The following MDN1 variants were observed in gnomAD, a reference collection of about 807,000 sequenced individuals.
MDN1 encodes midasin AAA ATPase 1.
In MDN1, 266 loss-of-function variants were observed where a neutral mutation model predicts 669.2. The observed-to-expected ratio is 0.40, with a 90% CI of 0.36 to 0.44. MDN1 has a LOEUF of 0.44. Ranked by LOEUF, MDN1 falls within the 20% of genes least tolerant of loss-of-function variation. MDN1 has a pLI of 1.00. For synonymous variants in MDN1, 2,385 were observed against 2,457.1 expected (o/e 0.97, Z 0.87); for missense variants, 5,940 against 6,754.0 (o/e 0.88, Z 4.22).
At chr6:89,668,888 A>G (rs1052082967) in intron 83 of MDN1, among the ~76,000 whole-genome samples, 1 of 152,226 alleles carries the variant, frequency 6.6e-6, no homozygotes, top group Non-Finnish European at 1.5e-5. Context: ...CAATTTGGAC[A>G]CTTAGAAAAA....
chr6:89,720,106 AAAAAT>A (rs1291353497), intron 40 of MDN1, among the ~76,000 whole-genome samples: 2 of 152,092 alleles, frequency 1.3e-5, no homozygotes, highest in Non-Finnish European at 2.9e-5. Flanking sequence ...AATGAAGTTA[AAAAAT>A]AAAAATAATA....
intron 1 of MDN1, 111 bp downstream of exon 1, chr6:89,819,395 G>C (rs527248551): frequency 1.3e-5 from 13 of 1,030,738 alleles, no homozygotes; most frequent in Non-Finnish European, 1.5e-5. Flanking sequence ...CTTGACCTGA[G>C]GCTGCACCAC....
In MDN1 at chr6:89,686,947, G is replaced by A; in HGVS notation, c.11527C>T (p.Gln3843Ter). 6.2e-7 allele frequency: 1 copy of A among 1,613,916 alleles called. No homozygotes were observed. Among genetic ancestry groups the A allele is most frequent in the Non-Finnish European group, 8.5e-7 (1 of 1,179,982 alleles). ...TCCTGCATGTGCTTCTCAAGCATCT[G>A]ATAGATGGAGAACCAGTGCTTGGTG... is the stretch of plus-strand genomic sequence containing the variant. ...KSTKHWFSIY[Q>*]MLEKHMQEQT... Residue 3843 changes from glutamine to a stop codon, truncating the protein, a stop_gained, in exon 69 of 102, where the codon CAG becomes TAG. Coordinates refer to ENST00000369393, the MANE Select transcript of MDN1 (RefSeq NM_014611.3). LOFTEE classifies it high-confidence loss of function.
rs1163342917 is a variant in MDN1, at chr6:89,819,579, G to C, written c.29C>G (p.Ala10Gly). The C allele has an allele frequency of 1.2e-6, 2 of 1,602,754 alleles. No homozygotes were observed. The highest frequency in any genetic ancestry group is 2.7e-5 in the African/African-American group (2 of 75,062). ...GGCTGCGATTAACCGCAGCGGCGCG[G>C]CTGCCACCTCCAGCAAGAAGTGCTC... MEHFLLEVA[A>G]APLRLIAAKN... The change falls in exon 1 of 102, where the codon GCC (alanine) becomes GGC (glycine). Residue 10 changes from alanine to glycine, a missense_variant. Physicochemically the swap from Ala to Gly is moderately conservative, Grantham distance 60. Transcript: ENST00000369393.
rs1811135529 is a variant in MDN1, at chr6:89,675,726, A to C, written c.12646-147T>G. On this transcript the variant is annotated intron_variant, in intron 77 of 101. Coordinates refer to ENST00000369393, the MANE Select transcript of MDN1 (RefSeq NM_014611.3). ...CATTTTTTTGAGCAGTGTTTCTCCA[A>C]TTATGCTTGCACAGATCATTGAGAT... 4 of 640,436 alleles carry C rather than the reference A, an allele frequency of 6.2e-6. No homozygotes were observed. In the Admixed American group the frequency reaches 1.1e-4, roughly 18 times the overall value. The allele number at this position is 640,436 out of a possible 1,614,324, so 39.7% of individuals were successfully genotyped here.
intron 72 of MDN1, 67 bp downstream of exon 72, chr6:89,683,764 G>A (rs41273329): frequency 0.13 from 153,343 of 1,200,018 alleles, 10,685 homozygotes; most frequent in South Asian, 0.17. Flanking sequence ...TAACTATGTC[G>A]TTTTGCTCCC....
At chr6:89,650,264 A>C (rs953140495) in intron 96 of MDN1, 66 bp from the exon 97 acceptor site, 6 of 1,422,958 alleles carry the variant, frequency 4.2e-6, no homozygotes, top group Non-Finnish European at 5.8e-6. Flanking sequence ...TTTATTAAGG[A>C]CAAAAATCAC....
intron 47 of MDN1, 41 bp from the exon 48 acceptor site, chr6:89,712,827 A>G (rs760423735): frequency 1.3e-6 from 2 of 1,574,198 alleles, no homozygotes; most frequent in South Asian, 2.2e-5. Flanking sequence ...TACCAACATA[A>G]AAGTGATATT....
At position 89,732,577 on chromosome 6, in the gene MDN1, T is replaced by A; in HGVS notation, c.4922A>T (p.Tyr1641Phe). The A allele has an allele frequency of 6.2e-7, 1 of 1,614,154 alleles. No individual in the cohort carries two copies. Among genetic ancestry groups the A allele is most frequent in the Non-Finnish European group, 8.5e-7 (1 of 1,180,010 alleles). The part of the protein sequence containing the change: ...TSFVHAACLV[Y>F]IDGIGSGVTS... ...CATACCTGAACCTATTCCATCTATG[T>A]ACACCAGGCATGCAGCATGGACAAA... Residue 1641 changes from tyrosine (Y) to phenylalanine (F), a missense_variant, in exon 34 of 102, where the codon TAC becomes TTC. Around this residue, in one of 5 missense-constraint regions of MDN1, gnomAD observed 2,292 missense variants for 2,638.3 expected, o/e 0.87. Coordinates refer to ENST00000369393, the MANE Select transcript of MDN1 (RefSeq NM_014611.3).
Position 89,662,106 on chromosome 6 carries a change from A to G in MDN1, c.14546T>C (p.Ile4849Thr). ...CATTACCTCATCTATTTGTTCATTA[A>G]TTTTGTCTTCACCTTGTCCACCATC... The part of the protein sequence containing the change: ...ADDGGQGEDK[I>T]NEQIDERDYD... The change falls in exon 87 of 102, where the codon ATT becomes ACT. Residue 4849 changes from isoleucine (I) to threonine (T), a missense_variant. Coordinates refer to ENST00000369393, the MANE Select transcript of MDN1 (RefSeq NM_014611.3). 1 of 1,611,678 alleles carries G rather than the reference A, an allele frequency of 6.2e-7. No homozygotes were observed. Among genetic ancestry groups the G allele is most frequent in the Non-Finnish European group, 8.5e-7 (1 of 1,179,454 alleles).
Position 89,706,054 on chromosome 6 carries a change from C to G in MDN1, c.8148+5G>C, listed in dbSNP as rs371071800. ...TTAAAAATAAAACAAGATGCAGTTC[C>G]TTACCTCATTGGCACTGGCATCAGA... On this transcript the variant is annotated splice_donor_5th_base_variant and intron_variant, in intron 53 of 101. Transcript: ENST00000369393. The G allele has an allele frequency of 3.7e-5, 59 of 1,600,512 alleles. No individual in the cohort carries two copies. The highest frequency in any genetic ancestry group is 4.1e-5 in the Non-Finnish European group (48 of 1,172,870).
chr6:89,817,097 C>G (rs901563368), intron 1 of MDN1, among the ~76,000 whole-genome samples: 2 of 152,306 alleles, frequency 1.3e-5, no homozygotes, highest in African/African-American at 4.8e-5. Flanking sequence ...CCGCCCCCCT[C>G]ACCCTTCGAG....
chr6:89,798,775 G>C (rs994987878), intron 2 of MDN1, among the ~76,000 whole-genome samples: 1 of 152,160 alleles, frequency 6.6e-6, no homozygotes, highest in Non-Finnish European at 1.5e-5. Context: ...GTACTTGTGT[G>C]TATACTCTGA....
At chr6:89,657,602 C>A (rs1809408684) in intron 90 of MDN1, among the ~76,000 whole-genome samples, 1 of 152,206 alleles carries the variant, frequency 6.6e-6, no homozygotes, top group African/African-American at 2.4e-5. Flanking sequence ...TCCTGGAGAG[C>A]TTTCTGAAAA....
intron 20 of MDN1, 33 bp from the exon 21 acceptor site, chr6:89,754,263 T>C: frequency 1.2e-6 from 2 of 1,602,224 alleles, no homozygotes; most frequent in Non-Finnish European, 1.7e-6. Context: ...GCAATTTTAT[T>C]TACTAATAAG....
Position 89,728,912 on chromosome 6 carries a change from G to T in MDN1, c.5349+19C>A, listed in dbSNP as rs76752399. The T allele has an allele frequency of 0.081, 129,466 of 1,604,234 alleles. 6,529 individuals carry two copies. The highest frequency in any genetic ancestry group is 0.21 in the East Asian group (9,404 of 44,810). Reference sequence around the variant, plus strand: ...CTATCTATAGCTATCTCCATCAGCTGTAGGATGACCGAGCTTACCGTTTGC... The same window carrying T: ...CTATCTATAGCTATCTCCATCAGCTTTAGGATGACCGAGCTTACCGTTTGC... On this transcript the variant is annotated intron_variant, in intron 36 of 101. Transcript: ENST00000369393.
intron 53 of MDN1, among the ~76,000 whole-genome samples, chr6:89,704,771 G>A (rs537966845): frequency 6.6e-6 from 1 of 152,224 alleles, no homozygotes; most frequent in South Asian, 2.1e-4. Flanking sequence ...TAGTAGAGAT[G>A]GGGTTTCACC....
At chr6:89,780,012 C>T (rs1380126631) in intron 11 of MDN1, among the ~76,000 whole-genome samples, 200 bp downstream of exon 11, 2 of 151,854 alleles carry the variant, frequency 1.3e-5, no homozygotes, top group East Asian at 3.9e-4. Context: ...GCTGCAGTGA[C>T]CTGAGATCAC....
chr6:89,676,256 A>G (rs1320129941), intron 76 of MDN1, 49 bp from the exon 77 acceptor site: 1 of 1,520,962 alleles, frequency 6.6e-7, no homozygotes, highest in African/African-American at 1.4e-5. Flanking sequence ...ACGCTCTCCC[A>G]CCCCAGATCC....
Sources: allele counts gnomAD v4.1 joint callset (sites outside exome capture counted in the v4.1 genomes callset), GRCh38; gene constraint gnomAD v4.1.1; regional missense constraint gnomAD v4.1.1; transcripts MANE v1.5; gene names NCBI Gene and HGNC (gene_info 2026-07-23, HGNC 2026-07-21).